The following ACYP2 variants were observed in gnomAD, a reference collection of about 807,000 sequenced individuals.
ACYP2 encodes acylphosphatase 2.
In ACYP2, 12 loss-of-function variants were observed where a neutral mutation model predicts 11.2. The ratio of observed to expected loss-of-function variants is 1.08; its 90% confidence interval spans 0.69 to 1.74. The LOEUF is 1.74. Among genes scored for constraint, ACYP2 ranks in the 40% most tolerant of loss-of-function variants. The pLI is 0.00. For synonymous variants in ACYP2, 43 were observed against 32.2 expected (o/e 1.33, Z -1.13); for missense variants, 134 against 101.9 (o/e 1.31, Z -1.35).
At chr2:54,251,101 A>G (rs955294700) in intron 6 of ACYP2, among the ~76,000 whole-genome samples, 1 of 152,236 alleles carries the variant, frequency 6.6e-6, no homozygotes, top group Non-Finnish European at 1.5e-5. Flanking sequence ...ATTATTAAAG[A>G]GGTGTTTATA....
At chr2:54,125,196 C>T (rs952869737) in intron 4 of ACYP2, among the ~76,000 whole-genome samples, 2 of 151,668 alleles carry the variant, frequency 1.3e-5, no homozygotes, top group South Asian at 2.1e-4. Context: ...TTTCCAACCC[C>T]AAATCCTGTA....
chr2:53,992,964 G>A (rs918649236), intron 2 of ACYP2, among the ~76,000 whole-genome samples: 1 of 152,162 alleles, frequency 6.6e-6, no homozygotes, highest in African/African-American at 2.4e-5. Context: ...CCAGCACTTT[G>A]GGAGGTCAAG....
chr2:54,114,482 G>C (rs1259185374), intron 4 of ACYP2, among the ~76,000 whole-genome samples: 2 of 151,632 alleles, frequency 1.3e-5, no homozygotes, highest in African/African-American at 4.8e-5. Flanking sequence ...TCAGGAGTTT[G>C]AGACTAGCCT....
chr2:54,032,545 G>A (rs761302139), intron 2 of ACYP2, among the ~76,000 whole-genome samples: 5 of 152,294 alleles, frequency 3.3e-5, no homozygotes, highest in Non-Finnish European at 5.9e-5. Context: ...AGTATACTTT[G>A]AAGTCAGATA....
chr2:54,127,833 T>C (rs1344612615), intron 4 of ACYP2, among the ~76,000 whole-genome samples: 1 of 151,870 alleles, frequency 6.6e-6, no homozygotes, highest in African/African-American at 2.4e-5. Flanking sequence ...ATTTTTAAAT[T>C]GAAGTTTTCA....
chr2:54,178,560 T>G (rs1311541426), intron 6 of ACYP2, among the ~76,000 whole-genome samples: 1 of 152,242 alleles, frequency 6.6e-6, no homozygotes, highest in East Asian at 1.9e-4. Flanking sequence ...AACAAACTGG[T>G]GTAAACAGTA....
intron 6 of ACYP2, among the ~76,000 whole-genome samples, chr2:54,276,254 C>T (rs1428657784): frequency 6.6e-6 from 1 of 152,086 alleles, no homozygotes; most frequent in East Asian, 1.9e-4. Context: ...GTCCCAATAG[C>T]ATATTTTAGT....
intron 6 of ACYP2, among the ~76,000 whole-genome samples, chr2:54,291,631 G>A (rs1689309578): frequency 6.6e-6 from 1 of 152,112 alleles, no homozygotes; most frequent in African/African-American, 2.4e-5. Flanking sequence ...TTTGAATTTG[G>A]GACTGAGTTC....
rs760763358 is a variant in ACYP2 at position 54,238,474 on chromosome 2, TAACA to T, written c.405-66210_405-66207del. On this transcript the variant is annotated intron_variant, in intron 6 of 6. Transcript: ENST00000607452. ...AGTAAAGAAAGTGGAGAAGGCAGAA[TAACA>T]AACTAAGTAAGTCTTTTAATTTGTA... is the stretch of plus-strand genomic sequence containing the variant. Among the ~76,000 whole-genome samples, 43 of 152,314 alleles carry T rather than the reference TAACA, an allele frequency of 2.8e-4. 1 individual carries two copies. The highest frequency in any genetic ancestry group is 5.6e-4 in the Non-Finnish European group (38 of 68,022).
chr2:54,165,770 C>T (rs987242920), intron 6 of ACYP2, among the ~76,000 whole-genome samples: 8 of 152,048 alleles, frequency 5.3e-5, no homozygotes, highest in Non-Finnish European at 1.0e-4. Flanking sequence ...TACCCCTGCC[C>T]CAAGGGAAAG....
rs141506305 is a variant in ACYP2 at position 54,005,387 on chromosome 2, T to C, written c.62+31577T>C. The stretch of plus-strand genomic sequence containing the variant: ...CGGAGTCTTATTCTGTTTCCCAGGC[T>C]GGAGTGTAAGGGCACAATCTTGGCT... On this transcript the variant is annotated intron_variant, in intron 2 of 6. Coordinates refer to ENST00000607452, the MANE Select transcript of ACYP2 (RefSeq NM_001320586.2). 5.2e-3 allele frequency among the ~76,000 whole-genome samples: 794 copies of C among 151,788 alleles called. 3 individuals carry two copies. Among genetic ancestry groups the C allele is most frequent in the Middle Eastern group, 0.01 (3 of 294 alleles).
At chr2:53,996,850 TTAAA>T (rs1326682758) in intron 2 of ACYP2, among the ~76,000 whole-genome samples, 46 of 152,200 alleles carry the variant, frequency 3.0e-4, no homozygotes, top group Admixed American at 3.0e-3. Context: ...CATCTCTGTA[TTAAA>T]TACTTTTAGC....
At position 54,096,069 on chromosome 2, in the gene ACYP2, T is replaced by G. The variant is rs1452215134; in HGVS notation, c.277+38709T>G. ...GGCGGGGGGCTGACCCCCACCTCCC[T>G]CCCGGACGGGGTGGCTGCGGGGCGG... On this transcript the variant is annotated intron_variant, in intron 4 of 6. Transcript: ENST00000607452. Among the ~76,000 whole-genome samples, 23 of 125,646 alleles carry G rather than the reference T, an allele frequency of 1.8e-4. 1 individual carries two copies. The highest frequency in any genetic ancestry group is 6.5e-4 in the African/African-American group (21 of 32,242). The allele number at this position is 125,646 out of a possible 152,430, so 82.4% of individuals were successfully genotyped here. A position where few individuals can be genotyped will look rare whatever the true frequency, so the allele number is the denominator to read the frequency against.
chr2:54,084,162 G>A (rs1475636737), intron 4 of ACYP2, among the ~76,000 whole-genome samples: 3 of 152,028 alleles, frequency 2.0e-5, no homozygotes, highest in Non-Finnish European at 4.4e-5. Context: ...GATAAATAAG[G>A]TTCTACTACT....
At chr2:54,190,614 C>A (rs1684200648) in intron 6 of ACYP2, among the ~76,000 whole-genome samples, 3 of 152,080 alleles carry the variant, frequency 2.0e-5, no homozygotes, top group Admixed American at 2.0e-4. Flanking sequence ...ACAGCCCGCC[C>A]CTCCCAGTCT....
intron 6 of ACYP2, among the ~76,000 whole-genome samples, chr2:54,295,297 T>C (rs1297279057): frequency 2.0e-5 from 3 of 152,214 alleles, no homozygotes; most frequent in Admixed American, 6.5e-5. Context: ...CCTGAATCCA[T>C]AGGCCTCCAA....
intron 2 of ACYP2, among the ~76,000 whole-genome samples, chr2:53,983,660 T>C (rs924009505): frequency 6.6e-6 from 1 of 152,078 alleles, no homozygotes; most frequent in African/African-American, 2.4e-5. Context: ...ACCTTGTAAA[T>C]TGGGTTAAGA....
At chr2:54,219,089 G>T (rs962439235) in intron 6 of ACYP2, among the ~76,000 whole-genome samples, 11 of 152,120 alleles carry the variant, frequency 7.2e-5, no homozygotes, top group African/African-American at 2.7e-4. Context: ...TGATACATGT[G>T]AAGATTTCAA....
intron 6 of ACYP2, among the ~76,000 whole-genome samples, chr2:54,234,821 TG>T (rs1558632568): frequency 2.6e-5 from 4 of 152,240 alleles, no homozygotes; most frequent in African/African-American, 9.6e-5. Context: ...ACAAAGTTTT[TG>T]TAAAGCATCA....
Sources: gnomAD v4.1 joint callset for allele counts (sites outside exome capture counted in the v4.1 genomes callset) on GRCh38, gnomAD v4.1.1 for gene constraint, MANE v1.5 for transcripts, NCBI Gene and HGNC (gene_info 2026-07-23, HGNC 2026-07-21) for gene names.